The following CCNT2 variants were observed in gnomAD, a reference collection of about 807,000 sequenced individuals.
The protein encoded by CCNT2 is cyclin T2.
Under a neutral mutation model 70.0 loss-of-function variants are expected in CCNT2, and 18 were observed. The observed-to-expected ratio is 0.26, with a 90% CI of 0.18 to 0.38. The LOEUF (loss-of-function observed/expected upper bound fraction) is 0.38, where lower values mean the gene tolerates loss of function less well. Ranked by LOEUF, CCNT2 falls within the 10% of genes least tolerant of loss-of-function variation. The pLI is 1.00. For missense variants in CCNT2, 734 were observed against 890.2 expected, an observed-to-expected ratio of 0.82 and a Z score of 2.23; for synonymous variants, 334 against 313.3, an observed-to-expected ratio of 1.07 and a Z score of -0.70.
intron 5 of CCNT2, chr2:134,943,114 A>C (rs572361500): frequency 9.1e-5 from 90 of 985,032 alleles, no homozygotes; most frequent in African/African-American, 7.3e-4. Flanking sequence ...CCTTTGTTAA[A>C]AGATTTGTCA....
intron 4 of CCNT2, among the ~76,000 whole-genome samples, chr2:134,940,696 AATTACATATTGCGGT>A (rs1240389035): frequency 6.6e-6 from 1 of 152,168 alleles, no homozygotes; most frequent in African/African-American, 2.4e-5. Flanking sequence ...CTCTCCAGTA[AATTACATATTGCGGT>A]AAAAGAGGTT....
intron 5 of CCNT2, chr2:134,943,949 C>A (rs1171949309): frequency 1.0e-6 from 1 of 953,742 alleles, no homozygotes; most frequent in Non-Finnish European, 1.2e-6. Flanking sequence ...AGTATTCTCA[C>A]ATTTTATTCA....
Position 134,954,362 on chromosome 2 carries a change from A to G in CCNT2, c.1907A>G (p.Lys636Arg), listed in dbSNP as rs559014612. ...ASHNHHSKMS[K>R]SSKSSGSSSS... is the part of the protein sequence containing the mutation. ...CACAACCACCACTCCAAAATGAGCA[A>G]AAGTTCCAAAAGTTCAGGTAGTTCA... The change falls in exon 9 of 9, where the codon AAA becomes AGA. Residue 636 changes from lysine (K) to arginine (R), a missense_variant. Transcript: ENST00000264157. The G allele has an allele frequency of 1.9e-6, 3 of 1,614,184 alleles. No homozygotes were observed. In the East Asian group the frequency reaches 6.7e-5, roughly 36 times the overall value.
At chr2:134,946,207 G>A in intron 6 of CCNT2, 61 bp downstream of exon 6, 1 of 1,565,880 alleles carries the variant, frequency 6.4e-7, no homozygotes, top group Non-Finnish European at 8.7e-7. Context: ...CTTTAATGCA[G>A]GGCCCCCTCA....
chr2:134,936,763 AACAG>A, intron 2 of CCNT2, 74 bp from the exon 3 acceptor site: 3 of 1,388,786 alleles, frequency 2.2e-6, no homozygotes, highest in South Asian at 1.3e-5. Context: ...TCAAAAAAAA[AACAG>A]AAAAGAAAAG....
At chr2:134,945,026 A>T in intron 5 of CCNT2, 4 of 985,352 alleles carry the variant, frequency 4.1e-6, no homozygotes, top group Non-Finnish European at 3.6e-6. Context: ...GGCTAATGTC[A>T]TTTTACAGGG....
rs1011139234 is a variant in CCNT2 at position 134,953,107 on chromosome 2, C to T, written c.775-123C>T. 1.5e-5 allele frequency: 10 copies of T among 654,836 alleles called. No homozygotes were observed. In the African/African-American group the frequency reaches 1.8e-4, roughly 12 times the overall value. 40.6% of individuals were successfully genotyped at this position (654,836 alleles called of 1,614,324 possible). A position where few individuals can be genotyped will look rare whatever the true frequency, so the allele number is the denominator to read the frequency against. On this transcript the variant is annotated intron_variant, in intron 8 of 8. Coordinates refer to ENST00000264157, the MANE Select transcript of CCNT2 (RefSeq NM_058241.3). ...ACTGACAACATAAAATCTTGAACCC[C>T]AGGTCATTTTATTTCCATATGTTTA...
chr2:134,944,577 T>G, intron 5 of CCNT2: 1 of 973,700 alleles, frequency 1.0e-6, no homozygotes, highest in Non-Finnish European at 1.2e-6. Context: ...AAATTTGATA[T>G]GTCATCCAAA....
chr2:134,956,939 A>G lies in CCNT2; in HGVS notation c.*2291A>G, dbSNP rs974154094. ...CTTCCAAAATTGAATTTGAAATGCT[A>G]TGTATTCACTTTTCACTCTGTAAAT... On this transcript the variant is annotated 3_prime_UTR_variant, in exon 9 of 9. Coordinates refer to ENST00000264157, the MANE Select transcript of CCNT2 (RefSeq NM_058241.3). The G allele has an allele frequency of 2.0e-5, 3 of 152,590 alleles. No individual in the cohort carries two copies. The highest frequency in any genetic ancestry group is 3.2e-3 in the Middle Eastern group (1 of 316). 9.5% of individuals were successfully genotyped at this position (152,590 alleles called of 1,614,324 possible). A position where few individuals can be genotyped will look rare whatever the true frequency, so the allele number is the denominator to read the frequency against.
chr2:134,944,018 T>A lies in CCNT2; in HGVS notation c.493+1344T>A, dbSNP rs973422721. On this transcript the variant is annotated intron_variant, in intron 5 of 8. Transcript: ENST00000264157. ...TATTATGTTAGTGGCTACAATTTTT[T>A]AAAAACTGTCTGATAGTGTCATTAG... is the stretch of plus-strand genomic sequence containing the variant. 8 of 983,862 alleles carry A rather than the reference T, an allele frequency of 8.1e-6. No individual in the cohort carries two copies. The African/African-American group carries it at 1.4e-4, about 17-fold the overall frequency. The allele number at this position is 983,862 out of a possible 1,614,324, so 60.9% of individuals were successfully genotyped here. A position where few individuals can be genotyped will look rare whatever the true frequency, so the allele number is the denominator to read the frequency against.
rs1284581306 is a variant in CCNT2 at position 134,958,437 on chromosome 2, C to G, written c.*3789C>G. The G allele has an allele frequency of 6.6e-6, 1 of 152,174 alleles. No individual in the cohort carries two copies. Among genetic ancestry groups the G allele is most frequent in the African/African-American group, 2.4e-5 (1 of 41,456 alleles). 9.4% of individuals were successfully genotyped at this position (152,174 alleles called of 1,614,324 possible). A position where few individuals can be genotyped will look rare whatever the true frequency, so the allele number is the denominator to read the frequency against. ...ACCCAGATGAGGGATCAACAAATCT[C>G]ACACTTAAACTAAATGAGTTGACAG... is the stretch of plus-strand genomic sequence containing the variant. On this transcript the variant is annotated 3_prime_UTR_variant, in exon 9 of 9. Coordinates refer to ENST00000264157, the MANE Select transcript of CCNT2 (RefSeq NM_058241.3).
chr2:134,918,839 C>A lies in CCNT2; in HGVS notation c.-16C>A. 1 of 1,606,238 alleles carries A rather than the reference C, an allele frequency of 6.2e-7. No homozygotes were observed. The highest frequency in any genetic ancestry group is 8.5e-7 in the Non-Finnish European group (1 of 1,175,174). The stretch of plus-strand genomic sequence containing the variant: ...GGCGGGGGGTGAATGAAGGAGCGGG[C>A]GGAGGAGGAAGTGTCATGGCGTCGG... On this transcript the variant is annotated 5_prime_UTR_variant, in exon 1 of 9. Transcript: ENST00000264157.
At chr2:134,920,787 A>T (rs1162961553) in intron 2 of CCNT2, among the ~76,000 whole-genome samples, 1 of 152,166 alleles carries the variant, frequency 6.6e-6, no homozygotes, top group Non-Finnish European at 1.5e-5. Context: ...CTATTTGTGG[A>T]TAGTCATTAG....
chr2:134,919,736 G>A (rs1679732774), intron 1 of CCNT2, 74 bp from the exon 2 acceptor site: 4 of 1,189,932 alleles, frequency 3.4e-6, no homozygotes, highest in Non-Finnish European at 4.9e-6. Flanking sequence ...AAAGAACCTG[G>A]GAATTTTCCA....
chr2:134,919,111 C>A, intron 1 of CCNT2, 99 bp downstream of exon 1: 1 of 1,365,326 alleles, frequency 7.3e-7, no homozygotes, highest in South Asian at 1.4e-5. Context: ...TCGGCCTTCG[C>A]TGGGCCTCGG....
At chr2:134,948,741 GTC>G (rs1682196523) in intron 7 of CCNT2, among the ~76,000 whole-genome samples, 1 of 140,952 alleles carries the variant, frequency 7.1e-6, no homozygotes, top group African/African-American at 2.6e-5. Context: ...TTTTGAGTCA[GTC>G]TCACTCTGTC....
chr2:134,942,436 C>T (rs973746340), intron 4 of CCNT2, among the ~76,000 whole-genome samples, 176 bp from the exon 5 acceptor site: 12 of 152,078 alleles, frequency 7.9e-5, no homozygotes, highest in African/African-American at 2.7e-4. Flanking sequence ...ATAATTGAGA[C>T]ATTGTATTTG....
chr2:134,946,394 TA>T, intron 6 of CCNT2: 1 of 1,247,950 alleles, frequency 8.0e-7, no homozygotes, highest in Non-Finnish European at 1.0e-6. Context: ...TGCATAAGTC[TA>T]AAATTGGTAG....
chr2:134,925,634 A>T (rs1431896220), intron 2 of CCNT2, among the ~76,000 whole-genome samples: 2 of 151,978 alleles, frequency 1.3e-5, no homozygotes, highest in African/African-American at 4.8e-5. Flanking sequence ...CCATTATTCC[A>T]CTGTATGGCT....
Sources: allele counts gnomAD v4.1 joint callset (sites outside exome capture counted in the v4.1 genomes callset), GRCh38; gene constraint gnomAD v4.1.1; transcripts MANE v1.5; gene names NCBI Gene and HGNC (gene_info 2026-07-23, HGNC 2026-07-21).